The following MYO1A variants were observed in gnomAD, a reference collection of about 807,000 sequenced individuals.
The protein encoded by MYO1A is myosin IA.
MYO1A carries 127 observed loss-of-function variants against 138.5 expected under a neutral mutation model. The observed-to-expected ratio is 0.92, with a 90% CI of 0.79 to 1.06. The LOEUF (loss-of-function observed/expected upper bound fraction) is 1.06, where lower values mean the gene tolerates loss of function less well. MYO1A is among the 50% of genes least tolerant of loss of function. The probability of loss-of-function intolerance (pLI) is 0.00; values close to 1 mark genes in which losing one functional copy is unlikely to be tolerated. For missense variants in MYO1A, 1,211 were observed against 1,288.8 expected, an observed-to-expected ratio of 0.94 and a Z score of 0.92; for synonymous variants, 477 against 497.5, an observed-to-expected ratio of 0.96 and a Z score of 0.55.
At chr12:57,050,456 C>T (rs1321747324), upstream of MYO1A, among the ~76,000 whole-genome samples, 5 of 152,140 alleles carry the variant, frequency 3.3e-5, no homozygotes, top group African/African-American at 4.8e-5. Context: ...GAGGCCAAGG[C>T]GGGAGGATCA....
chr12:57,038,370 C>T (rs2030676095), intron 17 of MYO1A, 42 bp downstream of exon 17: 2 of 1,598,356 alleles, frequency 1.3e-6, no homozygotes, highest in Non-Finnish European at 1.7e-6. Context: ...CTGCACGTGC[C>T]ATCACATATG....
chr12:57,039,044 T>C, intron 15 of MYO1A, 35 bp from the exon 16 acceptor site: 1 of 1,602,626 alleles, frequency 6.2e-7, no homozygotes, highest in Non-Finnish European at 8.5e-7. Context: ...CCAACCTAAA[T>C]CTGGTCCTCC....
At chr12:57,035,232 GATTA>G (rs1313324426) in intron 22 of MYO1A, among the ~76,000 whole-genome samples, 1 of 152,182 alleles carries the variant, frequency 6.6e-6, no homozygotes, top group African/African-American at 2.4e-5. Context: ...AGCAAAATCA[GATTA>G]CAGGTCTCAG....
chr12:57,048,119 A>C lies in MYO1A; in HGVS notation c.115-15T>G. The C allele has an allele frequency of 6.2e-7, 1 of 1,611,208 alleles. No homozygotes were observed. The highest frequency in any genetic ancestry group is 2.2e-5 in the East Asian group (1 of 44,844). On this transcript the variant is annotated splice_polypyrimidine_tract_variant and intron_variant, in intron 2 of 27. Transcript: ENST00000300119. Reference sequence around the variant, plus strand: ...CCAATGTAGGTCTGGAGCCAGGAAGAAGGTGAAGGGAATGAGCTTGAGGGT... The same window carrying C: ...CCAATGTAGGTCTGGAGCCAGGAAGCAGGTGAAGGGAATGAGCTTGAGGGT...
chr12:57,036,765 C>T lies in MYO1A; in HGVS notation c.2274+7G>A. On this transcript the variant is annotated splice_region_variant and intron_variant, in intron 21 of 27. Transcript: ENST00000300119. ...TGTGAGGAAACCTCTCTTCCACTCT[C>T]CATTACCTTCCACCCTCTCACAAAA... The T allele has an allele frequency of 6.2e-7, 1 of 1,614,148 alleles. No individual in the cohort carries two copies. The highest frequency in any genetic ancestry group is 1.1e-5 in the South Asian group (1 of 91,084).
intron 16 of MYO1A, 27 bp downstream of exon 16, chr12:57,038,782 C>T (rs1389156655): frequency 1.2e-6 from 2 of 1,613,900 alleles, no homozygotes; most frequent in East Asian, 4.5e-5. Context: ...GAGCCCTAAT[C>T]TCTGCCCTCC....
chr12:57,046,784 T>C, intron 7 of MYO1A, 79 bp downstream of exon 7: 3 of 1,555,792 alleles, frequency 1.9e-6, no homozygotes, highest in Non-Finnish European at 2.7e-6. Flanking sequence ...ACATTCTGCC[T>C]TTCTACAGGA....
chr12:57,048,300 C>A lies in MYO1A; in HGVS notation c.24G>T (p.Val8=). 6.2e-7 allele frequency: 1 copy of A among 1,614,162 alleles called. No individual in the cohort carries two copies. The highest frequency in any genetic ancestry group is 8.5e-7 in the Non-Finnish European group (1 of 1,179,998). The change falls in exon 2 of 28, where the codon GTG becomes GTT. Residue 8 remains valine, a synonymous_variant. Coordinates refer to ENST00000300119, the MANE Select transcript of MYO1A (RefSeq NM_005379.4). MPLLEGS[V]GVEDLVLLEP... ...CCAGGAGGACAAGATCCTCCACCCC[C>A]ACAGAACCTTCCAGGAGAGGCATGT...
At chr12:57,039,124 C>T in intron 15 of MYO1A, 88 bp downstream of exon 15, 1 of 1,546,928 alleles carries the variant, frequency 6.5e-7, no homozygotes, top group Non-Finnish European at 8.9e-7. Flanking sequence ...CTGTCCCTAC[C>T]AAGTGGGGAA....
chr12:57,036,120 GC>G (rs1374845912), intron 22 of MYO1A, among the ~76,000 whole-genome samples, 186 bp downstream of exon 22: 1 of 152,202 alleles, frequency 6.6e-6, no homozygotes, highest in African/African-American at 2.4e-5. Context: ...ATCTGATTCT[GC>G]CCCCGAGTCC....
In MYO1A at chr12:57,044,829, C is replaced by G. The variant is rs189634623; in HGVS notation, c.641-620G>C. ...CAGGGTTCTAAACAATAAAAATAAACAAGCAACCCTTCCATCCTACGCAGG... is the reference window on the plus strand; with the variant it reads ...CAGGGTTCTAAACAATAAAAATAAAGAAGCAACCCTTCCATCCTACGCAGG... On this transcript the variant is annotated intron_variant, in intron 8 of 27. Transcript: ENST00000300119. Among the ~76,000 whole-genome samples, 474 of 152,292 alleles carry G rather than the reference C, an allele frequency of 3.1e-3. 4 individuals are homozygous for G. The highest frequency in any genetic ancestry group is 0.011 in the African/African-American group (441 of 41,552).
intron 22 of MYO1A, among the ~76,000 whole-genome samples, chr12:57,034,945 G>A (rs1396905194): frequency 6.6e-6 from 1 of 152,074 alleles, no homozygotes; most frequent in African/African-American, 2.4e-5. Context: ...CAGCCTGGGT[G>A]ACAAGAGTGA....
At position 57,043,997 on chromosome 12, in the gene MYO1A, T is replaced by C. The variant is rs766750423; in HGVS notation, c.751A>G (p.Met251Val). ...ASSFRAVQSA[M>V]AVIGFSEEEI... ...TCCTCCGAGAACCCAATCACTGCCA[T>C]TGCACTCTTAGGCAGAAAGCAGAAA... The change falls in exon 10 of 28, where the codon ATG becomes GTG. Residue 251 changes from methionine (M) to valine (V), a missense_variant. Transcript: ENST00000300119. 3.7e-6 allele frequency: 6 copies of C among 1,613,954 alleles called. No homozygotes were observed. The highest frequency in any genetic ancestry group is 1.3e-5 in the African/African-American group (1 of 74,910).
intron 12 of MYO1A, 33 bp from the exon 13 acceptor site, chr12:57,041,530 G>T: frequency 6.3e-7 from 1 of 1,578,552 alleles, no homozygotes; most frequent in Non-Finnish European, 8.7e-7. Flanking sequence ...TCTGAGGACA[G>T]GCCCCCTCTG....
chr12:57,040,869 G>C (rs542404239), intron 14 of MYO1A, among the ~76,000 whole-genome samples: 24 of 152,342 alleles, frequency 1.6e-4, no homozygotes, highest in East Asian at 1.4e-3. Flanking sequence ...AAGAGATGTG[G>C]TTGGGCCAAA....
At chr12:57,036,558 T>C (rs1006414930) in intron 21 of MYO1A, among the ~76,000 whole-genome samples, 177 bp from the exon 22 acceptor site, 1 of 152,114 alleles carries the variant, frequency 6.6e-6, no homozygotes, top group Non-Finnish European at 1.5e-5. Flanking sequence ...GAAGGCAAAG[T>C]TCTGCTGCCA....
chr12:57,044,579 G>T (rs1245368957), intron 8 of MYO1A, among the ~76,000 whole-genome samples: 1 of 152,088 alleles, frequency 6.6e-6, no homozygotes, highest in Non-Finnish European at 1.5e-5. Flanking sequence ...AGTAGAGATG[G>T]GGTTTCTCTA....
intron 8 of MYO1A, among the ~76,000 whole-genome samples, chr12:57,045,621 A>T (rs2031062206): frequency 1.3e-5 from 2 of 152,200 alleles, no homozygotes; most frequent in African/African-American, 2.4e-5. Context: ...CCAAGAGTGG[A>T]AAAGGAGATA....
chr12:57,030,992 G>C (rs917407005), intron 23 of MYO1A, 48 bp downstream of exon 23: 1 of 1,605,848 alleles, frequency 6.2e-7, no homozygotes, highest in African/African-American at 1.3e-5. Flanking sequence ...ATCAGGGGGA[G>C]GGAAAAAAAA....
Sources: gnomAD v4.1 joint callset for allele counts (sites outside exome capture counted in the v4.1 genomes callset) on GRCh38, gnomAD v4.1.1 for gene constraint, MANE v1.5 for transcripts, NCBI Gene and HGNC (gene_info 2026-07-23, HGNC 2026-07-21) for gene names.